MTF2: variants seen among roughly 807,000 people sequenced by gnomAD.
The protein encoded by MTF2 is metal response element binding transcription factor 2, also known as metal-response element-binding transcription factor 2.
A neutral mutation model predicts 79.5 loss-of-function variants in MTF2; 11 were observed. That is an observed-to-expected ratio of 0.14 (90% CI 0.09 to 0.23). MTF2 has a LOEUF of 0.23. Ranked by LOEUF, MTF2 falls within the 10% of genes least tolerant of loss-of-function variation. MTF2 has a pLI of 1.00. For missense variants in MTF2, 486 were observed against 711.2 expected, an observed-to-expected ratio of 0.68 and a Z score of 3.60; for synonymous variants, 208 against 232.8, an observed-to-expected ratio of 0.89 and a Z score of 0.97.
At chr1:93,113,055 G>A (rs1404680232) in intron 3 of MTF2, among the ~76,000 whole-genome samples, 1 of 152,092 alleles carries the variant, frequency 6.6e-6, no homozygotes, top group Non-Finnish European at 1.5e-5. Context: ...AAACCCAGAA[G>A]CTATGGGAGA....
At position 93,079,355 on chromosome 1, in the gene MTF2, C is replaced by T. The variant is rs1654496648; in HGVS notation, c.-172C>T. 6.7e-6 allele frequency: 5 copies of T among 741,946 alleles called. No individual in the cohort carries two copies. Among genetic ancestry groups the T allele is most frequent in the Non-Finnish European group, 9.3e-6 (4 of 431,284 alleles). The allele number at this position is 741,946 out of a possible 1,614,324, so 46.0% of individuals were successfully genotyped here. On this transcript the variant is annotated 5_prime_UTR_variant, in exon 1 of 15. Transcript: ENST00000370298. Reference sequence around the variant, plus strand: ...TGTTTGAGGCCGGTGTAAGAACGCTCATTCTACCCCCAACCCTTGTCTCCA... The same window carrying T: ...TGTTTGAGGCCGGTGTAAGAACGCTTATTCTACCCCCAACCCTTGTCTCCA...
Position 93,137,048 on chromosome 1 carries a change from T to C in MTF2, c.*21T>C. On this transcript the variant is annotated 3_prime_UTR_variant, in exon 15 of 15. Transcript: ENST00000370298. ...CCTGACTGTAGGACTGAACATTATG[T>C]TCACTGCACTCTGATTTTCTGTAGG... 1 of 1,587,362 alleles carries C rather than the reference T, an allele frequency of 6.3e-7. No individual in the cohort carries two copies. Among genetic ancestry groups the C allele is most frequent in the Non-Finnish European group, 8.6e-7 (1 of 1,157,828 alleles).
intron 1 of MTF2, among the ~76,000 whole-genome samples, chr1:93,081,841 A>G (rs1654617972): frequency 6.6e-6 from 1 of 152,220 alleles, no homozygotes; most frequent in Non-Finnish European, 1.5e-5. Flanking sequence ...GGCCATATGT[A>G]GCAGTGCTAC....
chr1:93,114,683 T>C lies in MTF2; in HGVS notation c.287-5T>C. On this transcript the variant is annotated splice_polypyrimidine_tract_variant and splice_region_variant and intron_variant, in intron 3 of 14. Coordinates refer to ENST00000370298, the MANE Select transcript of MTF2 (RefSeq NM_007358.4). ...CTCTTTTTTAATGTGTTTTAAATAT[T>C]TTAGGAGCCACTGGAAGTGGGGAAA... The C allele has an allele frequency of 3.2e-6, 5 of 1,584,356 alleles. No individual in the cohort carries two copies. The highest frequency in any genetic ancestry group is 4.3e-6 in the Non-Finnish European group (5 of 1,169,896).
chr1:93,129,128 T>G (rs1656820658), intron 10 of MTF2, 150 bp from the exon 11 acceptor site: 1 of 478,006 alleles, frequency 2.1e-6, no homozygotes, highest in Non-Finnish European at 3.6e-6. Flanking sequence ...CTGGGGCAGA[T>G]AAAAATCAAG....
At chr1:93,130,132 C>T (rs1656859823) in intron 11 of MTF2, among the ~76,000 whole-genome samples, 2 of 152,202 alleles carry the variant, frequency 1.3e-5, no homozygotes, top group East Asian at 1.9e-4. Context: ...TCACAGAAGA[C>T]TGGTGTGGTA....
Position 93,115,564 on chromosome 1 carries a change from C to T in MTF2, c.578C>T (p.Ala193Val), listed in dbSNP as rs866447049. Reference sequence around the variant, plus strand: ...AGTGTGGCAGACCTTGAATGGGATGCAGGTCATAAAACCAATGTCCAGCAG... The same window carrying T: ...AGTGTGGCAGACCTTGAATGGGATGTAGGTCATAAAACCAATGTCCAGCAG... ...PYSVADLEWD[A>V]GHKTNVQQCY... The change falls in exon 6 of 15, where the codon GCA becomes GTA. Residue 193 changes from alanine (A) to valine (V), a missense_variant. Physicochemically the swap from Ala to Val is moderately conservative, Grantham distance 64. Coordinates refer to ENST00000370298, the MANE Select transcript of MTF2 (RefSeq NM_007358.4). 1.2e-6 allele frequency: 2 copies of T among 1,611,268 alleles called. No individual in the cohort carries two copies. The highest frequency in any genetic ancestry group is 1.1e-5 in the South Asian group (1 of 90,680).
In MTF2 at chr1:93,137,663, A is replaced by G. The variant is rs1647458526; in HGVS notation, c.*636A>G. On this transcript the variant is annotated 3_prime_UTR_variant, in exon 15 of 15. Coordinates refer to ENST00000370298, the MANE Select transcript of MTF2 (RefSeq NM_007358.4). The stretch of plus-strand genomic sequence containing the variant: ...TGTGTGTGATTATGTGACCTATGCA[A>G]TACAAATTATGGGAATGGGCAGCTT... 1 of 152,202 alleles carries G rather than the reference A, an allele frequency of 6.6e-6. No homozygotes were observed. The highest frequency in any genetic ancestry group is 1.5e-5 in the Non-Finnish European group (1 of 68,024). The allele number at this position is 152,202 out of a possible 1,614,324, so 9.4% of individuals were successfully genotyped here.
intron 9 of MTF2, among the ~76,000 whole-genome samples, chr1:93,123,760 GT>G (rs1261415998): frequency 8.9e-6 from 1 of 112,648 alleles, no homozygotes; most frequent in African/African-American, 4.2e-5. Flanking sequence ...CGTGTATTGT[GT>G]CCCCCCCCCC....
intron 1 of MTF2, among the ~76,000 whole-genome samples, chr1:93,091,830 T>A (rs1303506345): frequency 6.6e-6 from 1 of 152,208 alleles, no homozygotes; most frequent in Non-Finnish European, 1.5e-5. Context: ...ACTGCCTTAT[T>A]AAAACAATTG....
chr1:93,120,454 C>T (rs1458868016), intron 8 of MTF2, 95 bp from the exon 9 acceptor site: 3 of 1,180,022 alleles, frequency 2.5e-6, no homozygotes, highest in Non-Finnish European at 3.5e-6. Context: ...AAATATTTCT[C>T]TTTGCATTTT....
chr1:93,084,832 G>A (rs998284302), intron 1 of MTF2, among the ~76,000 whole-genome samples: 4 of 152,128 alleles, frequency 2.6e-5, no homozygotes, highest in Admixed American at 6.6e-5. Context: ...GAGCTATGAT[G>A]TGCCACTGCA....
chr1:93,097,972 A>G (rs1408103634), intron 1 of MTF2, among the ~76,000 whole-genome samples: 1 of 152,046 alleles, frequency 6.6e-6, no homozygotes, highest in African/African-American at 2.4e-5. Context: ...GTGTTTGTTT[A>G]TTCAGCCAGT....
chr1:93,136,610 G>T, intron 14 of MTF2, 60 bp from the exon 15 acceptor site: 3 of 1,326,116 alleles, frequency 2.3e-6, no homozygotes, highest in Non-Finnish European at 3.2e-6. Flanking sequence ...AGAACATATT[G>T]TATGGGCATA....
In MTF2 at chr1:93,133,734, A is replaced by C; in HGVS notation, c.1192A>C (p.Lys398Gln). 1 of 1,611,984 alleles carries C rather than the reference A, an allele frequency of 6.2e-7. No homozygotes were observed. ...AAGCAATGGCATAGAAAAAAAAGGA[A>C]AGAAAAAATCTGTAGGTCGTCCACC... ...EVSNGIEKKG[K>Q]KKSVGRPPGP... The change falls in exon 12 of 15, where the codon AAG becomes CAG. Residue 398 changes from lysine to glutamine, a missense_variant. Coordinates refer to ENST00000370298, the MANE Select transcript of MTF2 (RefSeq NM_007358.4).
At chr1:93,122,045 G>A (rs888311602) in intron 9 of MTF2, among the ~76,000 whole-genome samples, 7 of 152,096 alleles carry the variant, frequency 4.6e-5, no homozygotes, top group South Asian at 4.1e-4. Context: ...TAAGTGATCC[G>A]CCCACCTTGG....
Position 93,102,235 on chromosome 1 carries a change from T to C in MTF2, c.6-7995T>C, listed in dbSNP as rs528099454. 3.9e-5 allele frequency among the ~76,000 whole-genome samples: 6 copies of C among 152,364 alleles called. No individual in the cohort carries two copies. The South Asian group carries it at 1.2e-3, about 32-fold the overall frequency. ...ACATATAAGATGCTCTTGAAAATTATCATGACAGTGATTAACATTTCATTT... is the reference window on the plus strand; with the variant it reads ...ACATATAAGATGCTCTTGAAAATTACCATGACAGTGATTAACATTTCATTT... On this transcript the variant is annotated intron_variant, in intron 1 of 14. Transcript: ENST00000370298.
intron 9 of MTF2, among the ~76,000 whole-genome samples, chr1:93,126,502 T>C (rs541075688): frequency 1.3e-5 from 2 of 151,902 alleles, no homozygotes; most frequent in Non-Finnish European, 2.9e-5. Context: ...TTAAGGTGTT[T>C]GTAGCATTAA....
Position 93,138,146 on chromosome 1 carries a change from G to A in MTF2, c.*1119G>A, listed in dbSNP as rs1047013784. ...TATGTTGCCAGCTGAGGCTACTGCT[G>A]TTTTATTACAACATTACCTCTTGTT... On this transcript the variant is annotated 3_prime_UTR_variant, in exon 15 of 15. Coordinates refer to ENST00000370298, the MANE Select transcript of MTF2 (RefSeq NM_007358.4). The A allele has an allele frequency of 9.2e-5, 14 of 152,096 alleles. No homozygotes were observed. The highest frequency in any genetic ancestry group is 7.9e-4 in the Admixed American group (12 of 15,268). The allele number at this position is 152,096 out of a possible 1,614,324, so 9.4% of individuals were successfully genotyped here.
Sources: allele counts gnomAD v4.1 joint callset (sites outside exome capture counted in the v4.1 genomes callset), GRCh38; gene constraint gnomAD v4.1.1; transcripts MANE v1.5; gene names NCBI Gene and HGNC (gene_info 2026-07-23, HGNC 2026-07-21).